IFT74: variants seen among roughly 807,000 people sequenced by gnomAD.
IFT74 encodes intraflagellar transport 74.
IFT74 carries 92 observed loss-of-function variants against 96.7 expected under a neutral mutation model. The ratio of observed to expected loss-of-function variants is 0.95; its 90% confidence interval spans 0.80 to 1.13. The LOEUF is 1.13. IFT74 is among the 50% of genes most tolerant of loss of function. The pLI is 0.00. For synonymous variants in IFT74, 223 were observed against 213.2 expected (o/e 1.05, Z -0.40); for missense variants, 811 against 698.2 (o/e 1.16, Z -1.82).
intron 2 of IFT74, among the ~76,000 whole-genome samples, chr9:26,967,067 G>T (rs1052222277): frequency 7.3e-5 from 11 of 149,694 alleles, no homozygotes; most frequent in Non-Finnish European, 1.5e-4. Flanking sequence ...TTCAGGATGG[G>T]TTTGGCTATC....
intron 8 of IFT74, among the ~76,000 whole-genome samples, chr9:27,008,157 A>G (rs1828880002): frequency 6.6e-6 from 1 of 152,244 alleles, no homozygotes; most frequent in Admixed American, 6.5e-5. Flanking sequence ...CTAAAGCAGT[A>G]AGTAAAAGAG....
chr9:27,038,452 G>A (rs1448826399), intron 13 of IFT74, among the ~76,000 whole-genome samples: 2 of 152,074 alleles, frequency 1.3e-5, no homozygotes, highest in Non-Finnish European at 2.9e-5. Flanking sequence ...TAGTAGAGAT[G>A]GGTTTCACCA....
At chr9:26,995,888 T>G (rs73643125) in intron 8 of IFT74, 5 of 1,450,372 alleles carry the variant, frequency 3.4e-6, no homozygotes, top group African/African-American at 1.4e-5. Flanking sequence ...GAAAGAAAAT[T>G]TGTTAAGTTG....
At chr9:26,955,885 C>G (rs1318465721), upstream of IFT74, 1 of 151,204 alleles carries the variant, frequency 6.6e-6, no homozygotes, top group African/African-American at 2.4e-5. Context: ...ACAGTCTTCC[C>G]CACAAACTTG....
intron 4 of IFT74, among the ~76,000 whole-genome samples, chr9:26,982,643 C>A (rs574515100): frequency 6.6e-6 from 1 of 151,794 alleles, no homozygotes; most frequent in African/African-American, 2.4e-5. Flanking sequence ...TTAGTTCAGA[C>A]GAGGTTTCTC....
chr9:27,024,869 A>G (rs937607154), intron 12 of IFT74, among the ~76,000 whole-genome samples: 1 of 151,872 alleles, frequency 6.6e-6, no homozygotes, highest in Non-Finnish European at 1.5e-5. Flanking sequence ...TGCAAAATAC[A>G]TTGGAAAGTT....
intron 13 of IFT74, among the ~76,000 whole-genome samples, chr9:27,041,708 T>C (rs1819486640): frequency 6.6e-6 from 1 of 152,156 alleles, no homozygotes; most frequent in South Asian, 2.1e-4. Flanking sequence ...AATCTAAGGA[T>C]ATATTTGCTA....
intron 1 of IFT74, among the ~76,000 whole-genome samples, chr9:26,958,903 A>G (rs767619521): frequency 1.3e-5 from 2 of 152,158 alleles, no homozygotes; most frequent in African/African-American, 2.4e-5. Flanking sequence ...GATCAAGGAG[A>G]CAGAAAAAAG....
At chr9:26,982,341 G>A in intron 4 of IFT74, 1 of 442,162 alleles carries the variant, frequency 2.3e-6, no homozygotes, top group Non-Finnish European at 4.5e-6. Context: ...TCACGTCACT[G>A]CAACTTCCAC....
intron 8 of IFT74, among the ~76,000 whole-genome samples, chr9:27,007,312 T>C (rs1162319316): frequency 6.6e-6 from 1 of 152,190 alleles, no homozygotes; most frequent in Non-Finnish European, 1.5e-5. Flanking sequence ...CTTTATAACA[T>C]TAGTTCTCAT....
intron 3 of IFT74, among the ~76,000 whole-genome samples, chr9:26,978,874 A>G (rs1427467499): frequency 1.3e-5 from 2 of 152,116 alleles, no homozygotes; most frequent in Non-Finnish European, 2.9e-5. Flanking sequence ...ATGCTTCTGC[A>G]TATGTATTTA....
chr9:27,039,816 G>T (rs1368086747), intron 13 of IFT74, among the ~76,000 whole-genome samples: 1 of 152,102 alleles, frequency 6.6e-6, no homozygotes, highest in Non-Finnish European at 1.5e-5. Context: ...CTACAGAGGG[G>T]TGGGGGTACT....
intron 18 of IFT74, among the ~76,000 whole-genome samples, chr9:27,056,673 G>A (rs1820174327): frequency 6.6e-6 from 1 of 151,946 alleles, no homozygotes; most frequent in Non-Finnish European, 1.5e-5. Flanking sequence ...GTTAGATACT[G>A]TCTTGGGCAC....
upstream of IFT74, among the ~76,000 whole-genome samples, chr9:26,953,497 G>A (rs1825995216): frequency 6.6e-6 from 1 of 152,190 alleles, no homozygotes; most frequent in Non-Finnish European, 1.5e-5. Flanking sequence ...CAAAGGACAT[G>A]TGCATTTGGA....
chr9:26,973,404 A>T (rs1446002901), intron 2 of IFT74, among the ~76,000 whole-genome samples: 1 of 152,126 alleles, frequency 6.6e-6, no homozygotes, highest in Non-Finnish European at 1.5e-5. Context: ...CTTCGAAGGG[A>T]ATGGGGTATT....
chr9:26,961,819 C>T (rs1313903767), intron 1 of IFT74, 130 bp from the exon 2 acceptor site: 2 of 830,496 alleles, frequency 2.4e-6, no homozygotes, highest in Non-Finnish European at 3.7e-6. Flanking sequence ...CAAAATTAGC[C>T]TTGTAGTGGT....
chr9:26,995,325 A>G (rs1038733551), intron 8 of IFT74: 3 of 493,928 alleles, frequency 6.1e-6, no homozygotes, highest in Non-Finnish European at 1.1e-5. Flanking sequence ...ACTGTCAACT[A>G]CCGAGGAGTG....
chr9:27,030,124 C>A (rs142677292), intron 13 of IFT74, among the ~76,000 whole-genome samples: 1 of 152,158 alleles, frequency 6.6e-6, no homozygotes, highest in Non-Finnish European at 1.5e-5. Context: ...AAAGTAGATT[C>A]TCCATAGCAT....
chr9:26,980,405 C>CT (rs1223721403), intron 3 of IFT74, among the ~76,000 whole-genome samples, 166 bp from the exon 4 acceptor site: 1 of 152,092 alleles, frequency 6.6e-6, no homozygotes, highest in African/African-American at 2.4e-5. Context: ...TGTTGTGATT[C>CT]TAAGGTATTA....
Sources: allele counts gnomAD v4.1 joint callset (sites outside exome capture counted in the v4.1 genomes callset), GRCh38; gene constraint gnomAD v4.1.1; transcripts MANE v1.5; gene names NCBI Gene and HGNC (gene_info 2026-07-23, HGNC 2026-07-21).